Variants in TAOK3 observed in about 807,000 individuals in gnomAD.
The protein encoded by TAOK3 is TAO kinase 3, also known as serine/threonine-protein kinase TAO3.
Under a neutral mutation model 120.4 loss-of-function variants are expected in TAOK3, and 40 were observed. That is an observed-to-expected ratio of 0.33 (90% confidence interval 0.26 to 0.43). The LOEUF is 0.43. TAOK3 is among the 20% of genes least tolerant of loss of function. The pLI is 1.00. For synonymous variants in TAOK3, 355 were observed against 387.5 expected (o/e 0.92, Z 0.99); for missense variants, 821 against 1,112.1 (o/e 0.74, Z 3.72).
rs763473530 is a variant in TAOK3 at position 118,234,212 on chromosome 12, A to ATTTTTTTTTTTTTTTTTTTTTTTTTT, written c.552-473_552-448dup. The stretch of plus-strand genomic sequence containing the variant: ...TTAAAGTAATTAAATAAAGCAGGAA[A>ATTTTTTTTTTTTTTTTTTTTTTTTTT]TTTTTTTTTTTTTTTTTTTTTTTTT... On this transcript the variant is annotated intron_variant, in intron 8 of 20. Transcript: ENST00000392533. Among the ~76,000 whole-genome samples the ATTTTTTTTTTTTTTTTTTTTTTTTTT allele has an allele frequency of 9.8e-4, 57 of 58,340 alleles. 13 individuals carry two copies. Among genetic ancestry groups the ATTTTTTTTTTTTTTTTTTTTTTTTTT allele is most frequent in the Non-Finnish European group, 1.3e-3 (41 of 32,398 alleles). 38.3% of individuals were successfully genotyped at this position (58,340 alleles called of 152,430 possible).
intron 5 of TAOK3, among the ~76,000 whole-genome samples, chr12:118,242,859 C>T (rs1276042775): frequency 8.5e-6 from 1 of 118,204 alleles, no homozygotes; most frequent in African/African-American, 3.0e-5. Context: ...AATCTGTCTC[C>T]AAACAAACAA....
rs1400588908 is a variant in TAOK3 at position 118,244,876 on chromosome 12, C to T, written c.192+18G>A. Reference sequence around the variant, plus strand: ...ACTTGTTTATTTCAGTTTAGGTATACAACTGTCTCTATCTCACCTCATGGG... The same window carrying T: ...ACTTGTTTATTTCAGTTTAGGTATATAACTGTCTCTATCTCACCTCATGGG... On this transcript the variant is annotated intron_variant, in intron 4 of 20. Transcript: ENST00000392533. 1 of 1,578,304 alleles carries T rather than the reference C, an allele frequency of 6.3e-7. No individual in the cohort carries two copies. The highest frequency in any genetic ancestry group is 1.4e-5 in the African/African-American group (1 of 74,042).
chr12:118,186,164 T>C (rs1270220721), intron 14 of TAOK3, among the ~76,000 whole-genome samples: 1 of 152,206 alleles, frequency 6.6e-6, no homozygotes, highest in Admixed American at 6.5e-5. Context: ...AAAGACTCTA[T>C]ATTTGCATGA....
At chr12:118,217,890 C>A (rs1361248994) in intron 9 of TAOK3, among the ~76,000 whole-genome samples, 6 of 108,416 alleles carry the variant, frequency 5.5e-5, no homozygotes, top group Non-Finnish European at 1.1e-4. Context: ...GAGACGGAGT[C>A]TCGCTCTGTC....
chr12:118,224,454 G>T (rs1040016862), intron 9 of TAOK3, among the ~76,000 whole-genome samples: 1 of 152,182 alleles, frequency 6.6e-6, no homozygotes, highest in Non-Finnish European at 1.5e-5. Context: ...CTTTCCTGGA[G>T]AACTTATTTC....
chr12:118,345,740 T>C (rs2044829299), intron 1 of TAOK3, among the ~76,000 whole-genome samples: 1 of 151,682 alleles, frequency 6.6e-6, no homozygotes, highest in South Asian at 2.1e-4. Flanking sequence ...TCTTATGGTC[T>C]ACCTGATGTA....
At chr12:118,253,110 G>A (rs1257420690) in intron 3 of TAOK3, among the ~76,000 whole-genome samples, 2 of 152,176 alleles carry the variant, frequency 1.3e-5, no homozygotes, top group South Asian at 2.1e-4. Context: ...GTTATTGATG[G>A]TAGTGAGGGA....
chr12:118,310,416 T>G (rs1261071139), intron 1 of TAOK3, among the ~76,000 whole-genome samples: 2 of 152,232 alleles, frequency 1.3e-5, no homozygotes, highest in African/African-American at 4.8e-5. Flanking sequence ...TTCAAACATA[T>G]AAACAAGGTA....
chr12:118,315,699 A>G (rs906020525), intron 1 of TAOK3, among the ~76,000 whole-genome samples: 7 of 151,818 alleles, frequency 4.6e-5, no homozygotes, highest in African/African-American at 1.4e-4. Flanking sequence ...AAAAGAAAAT[A>G]ATCCTCCTCC....
intron 11 of TAOK3, among the ~76,000 whole-genome samples, chr12:118,203,552 A>G (rs1018511268): frequency 1.4e-4 from 21 of 152,118 alleles, no homozygotes; most frequent in Non-Finnish European, 2.9e-4. Flanking sequence ...TAAAAATACA[A>G]AATTAACTGG....
intron 1 of TAOK3, among the ~76,000 whole-genome samples, chr12:118,323,502 A>G (rs2043807076): frequency 6.6e-6 from 1 of 152,220 alleles, no homozygotes; most frequent in Non-Finnish European, 1.5e-5. Context: ...TATTTTAAGT[A>G]TAACACAAAA....
chr12:118,269,377 TCTC>T (rs1417615060), intron 1 of TAOK3, among the ~76,000 whole-genome samples: 2 of 145,272 alleles, frequency 1.4e-5, no homozygotes, highest in Non-Finnish European at 3.0e-5. Flanking sequence ...TCTCTATCTC[TCTC>T]TTCTTTTTTT....
At chr12:118,334,027 C>T (rs1029506285) in intron 1 of TAOK3, among the ~76,000 whole-genome samples, 1 of 149,678 alleles carries the variant, frequency 6.7e-6, no homozygotes, top group Non-Finnish European at 1.5e-5. Flanking sequence ...CCCAGCTACT[C>T]AGGAGGCTGA....
At chr12:118,210,662 T>G (rs537692709) in intron 11 of TAOK3, among the ~76,000 whole-genome samples, 3 of 152,290 alleles carry the variant, frequency 2.0e-5, no homozygotes, top group South Asian at 4.1e-4. Context: ...TCAATCTTGA[T>G]GCTTGTCTAA....
chr12:118,233,427 A>G (rs1184295460), intron 9 of TAOK3, among the ~76,000 whole-genome samples: 2 of 151,760 alleles, frequency 1.3e-5, no homozygotes, highest in African/African-American at 4.8e-5. Flanking sequence ...TAAAATAAAT[A>G]AATAAATACA....
intron 1 of TAOK3, among the ~76,000 whole-genome samples, chr12:118,298,008 G>A (rs539586397): frequency 1.3e-5 from 2 of 152,234 alleles, no homozygotes; most frequent in East Asian, 1.9e-4. Flanking sequence ...TCAAACTCTT[G>A]ACTTCAAGTG....
At chr12:118,151,213 C>A in intron 20 of TAOK3, 55 bp from the exon 21 acceptor site, 1 of 1,587,974 alleles carries the variant, frequency 6.3e-7, no homozygotes, top group African/African-American at 1.3e-5. Flanking sequence ...CAGGCACCCA[C>A]GTGCACGCGA....
At chr12:118,323,717 T>C (rs1439467317) in intron 1 of TAOK3, among the ~76,000 whole-genome samples, 1 of 152,178 alleles carries the variant, frequency 6.6e-6, no homozygotes, top group Non-Finnish European at 1.5e-5. Context: ...ACAGTATATG[T>C]CATAAAATCT....
At chr12:118,177,993 C>T (rs372028273) in intron 15 of TAOK3, among the ~76,000 whole-genome samples, 22 of 152,104 alleles carry the variant, frequency 1.4e-4, no homozygotes, top group African/African-American at 4.3e-4. Context: ...GTCGCTCAGG[C>T]TGGAGTGCAG....
Sources: gnomAD v4.1 joint callset for allele counts (sites outside exome capture counted in the v4.1 genomes callset) on GRCh38, gnomAD v4.1.1 for gene constraint, MANE v1.5 for transcripts, NCBI Gene and HGNC (gene_info 2026-07-23, HGNC 2026-07-21) for gene names.